Variants in GSK3B observed in about 807,000 individuals in gnomAD.
GSK3B encodes the protein glycogen synthase kinase 3 beta.
A neutral mutation model predicts 56.4 loss-of-function variants in GSK3B; 15 were observed. The observed-to-expected ratio is 0.27, with a 90% CI of 0.18 to 0.41. GSK3B has a LOEUF of 0.41. Ranked by LOEUF, GSK3B falls within the 10% of genes least tolerant of loss-of-function variation. GSK3B has a pLI of 1.00. For synonymous variants in GSK3B, 181 were observed against 188.9 expected (o/e 0.96, Z 0.34); for missense variants, 300 against 513.4 (o/e 0.58, Z 4.02).
At chr3:119,853,281 T>A (rs980081067) in intron 9 of GSK3B, among the ~76,000 whole-genome samples, 1 of 152,208 alleles carries the variant, frequency 6.6e-6, no homozygotes, top group Non-Finnish European at 1.5e-5. Flanking sequence ...CATTGGTCTA[T>A]ATCTCTGTTT....
At chr3:119,877,301 G>A (rs569614740) in intron 7 of GSK3B, among the ~76,000 whole-genome samples, 8 of 152,002 alleles carry the variant, frequency 5.3e-5, no homozygotes, top group South Asian at 2.1e-4. Flanking sequence ...AGGAGCCCCC[G>A]AGGATACCAA....
At chr3:119,862,595 T>G (rs1034716348) in intron 9 of GSK3B, among the ~76,000 whole-genome samples, 51 of 147,992 alleles carry the variant, frequency 3.4e-4, no homozygotes, top group African/African-American at 1.0e-3. Context: ...CTTGGTCACA[T>G]AAAACTCTAC....
rs1484376311 is a variant in GSK3B at position 119,969,691 on chromosome 3, A to G, written c.283-22340T>C. Among the ~76,000 whole-genome samples the G allele has an allele frequency of 2.0e-5, 3 of 152,352 alleles. No individual in the cohort carries two copies. In the East Asian group the frequency reaches 5.8e-4, roughly 29 times the overall value. On this transcript the variant is annotated intron_variant, in intron 2 of 10. Transcript: ENST00000264235. ...CAGAACTAGCAAACAAATATGGTCA[A>G]CTAAACTTTCACAAAGGAACAAAGC...
At chr3:120,024,947 C>T (rs2057910692) in intron 1 of GSK3B, among the ~76,000 whole-genome samples, 1 of 152,182 alleles carries the variant, frequency 6.6e-6, no homozygotes, top group Admixed American at 6.5e-5. Context: ...ATCCTGTTCA[C>T]ATGAAACGTT....
rs200329204 is a variant in GSK3B at position 120,054,258 on chromosome 3, C to T, written c.88+39089G>A. ...TCTCTCCTTCCCTAGAACATTAACA[C>T]TTTCAAATCCCTGCTTGCTCACTTT... On this transcript the variant is annotated intron_variant, in intron 1 of 10. Transcript: ENST00000264235. Among the ~76,000 whole-genome samples the T allele has an allele frequency of 3.3e-5, 5 of 152,128 alleles. No homozygotes were observed. The East Asian group carries it at 7.7e-4, about 23-fold the overall frequency.
At chr3:119,950,165 T>C (rs1328280356) in intron 2 of GSK3B, among the ~76,000 whole-genome samples, 4 of 152,204 alleles carry the variant, frequency 2.6e-5, no homozygotes, top group Non-Finnish European at 2.9e-5. Flanking sequence ...AAAAAATTTT[T>C]AGAAAAACTG....
intron 10 of GSK3B, among the ~76,000 whole-genome samples, chr3:119,835,336 T>C (rs1219453435): frequency 6.6e-6 from 1 of 152,232 alleles, no homozygotes; most frequent in African/African-American, 2.4e-5. Flanking sequence ...TCTAAAAATT[T>C]AGAAGAATAA....
chr3:120,041,532 C>T (rs1243430447), intron 1 of GSK3B: 1 of 210,846 alleles, frequency 4.7e-6, no homozygotes, highest in Admixed American at 4.6e-5. Flanking sequence ...TTTAGAGTCA[C>T]TTATATTAAA....
chr3:120,010,314 G>A (rs1281373739), intron 1 of GSK3B, among the ~76,000 whole-genome samples: 1 of 151,940 alleles, frequency 6.6e-6, no homozygotes, highest in African/African-American at 2.4e-5. Context: ...CTTATCATAA[G>A]TTATTCTCTC....
intron 2 of GSK3B, among the ~76,000 whole-genome samples, chr3:119,987,869 T>C (rs2057530981): frequency 6.6e-6 from 1 of 152,220 alleles, no homozygotes; most frequent in Non-Finnish European, 1.5e-5. Flanking sequence ...GTTACTCATA[T>C]GTGTTCCAAA....
intron 2 of GSK3B, among the ~76,000 whole-genome samples, chr3:119,998,453 G>C (rs2057645363): frequency 6.6e-6 from 1 of 152,178 alleles, no homozygotes; most frequent in African/African-American, 2.4e-5. Flanking sequence ...GCTGATGCCT[G>C]GATTCAGTCT....
chr3:119,989,324 A>G (rs1188943310), intron 2 of GSK3B, among the ~76,000 whole-genome samples: 1 of 152,154 alleles, frequency 6.6e-6, no homozygotes, highest in Non-Finnish European at 1.5e-5. Flanking sequence ...ACAGCCCCCA[A>G]AAGTCATAAA....
chr3:120,013,892 G>A (rs895657653), intron 1 of GSK3B, among the ~76,000 whole-genome samples: 6 of 151,560 alleles, frequency 4.0e-5, no homozygotes, highest in East Asian at 1.9e-4. Flanking sequence ...GATGTTGGCC[G>A]GGCGCAGTGG....
intron 1 of GSK3B, among the ~76,000 whole-genome samples, chr3:120,077,180 A>G (rs538679386): frequency 2.0e-5 from 3 of 152,234 alleles, no homozygotes; most frequent in Non-Finnish European, 4.4e-5. Flanking sequence ...TATATACAAA[A>G]TATTATGAAA....
intron 10 of GSK3B, among the ~76,000 whole-genome samples, chr3:119,835,932 C>T (rs2055683712): frequency 6.6e-6 from 1 of 152,140 alleles, no homozygotes; most frequent in East Asian, 1.9e-4. Flanking sequence ...ATCTAATAAA[C>T]TGACAATTTG....
intron 1 of GSK3B, among the ~76,000 whole-genome samples, chr3:120,062,989 G>A (rs2058250563): frequency 6.6e-6 from 1 of 151,996 alleles, no homozygotes; most frequent in African/African-American, 2.4e-5. Flanking sequence ...CAGAAAAAAA[G>A]GCCCAAAATC....
chr3:119,901,416 G>T (rs1312286683), intron 7 of GSK3B, among the ~76,000 whole-genome samples: 1 of 152,112 alleles, frequency 6.6e-6, no homozygotes, highest in Non-Finnish European at 1.5e-5. Flanking sequence ...GCTTAGAAAT[G>T]ATTTTCCATG....
intron 1 of GSK3B, among the ~76,000 whole-genome samples, chr3:120,054,410 G>A (rs1214241417): frequency 6.6e-6 from 1 of 152,028 alleles, no homozygotes; most frequent in African/African-American, 2.4e-5. Context: ...CAGTTTAGTT[G>A]CTTTTTCCAA....
At chr3:119,878,984 T>C (rs2056347592) in intron 7 of GSK3B, among the ~76,000 whole-genome samples, 1 of 152,150 alleles carries the variant, frequency 6.6e-6, no homozygotes, top group Non-Finnish European at 1.5e-5. Context: ...GTTTCACGGG[T>C]GTAAGCGTAT....
Sources: gnomAD v4.1 joint callset for allele counts (sites outside exome capture counted in the v4.1 genomes callset) on GRCh38, gnomAD v4.1.1 for gene constraint, MANE v1.5 for transcripts, NCBI Gene and HGNC (gene_info 2026-07-23, HGNC 2026-07-21) for gene names.